Variants in PCDHGA10 observed in about 807,000 individuals in gnomAD.
PCDHGA10 encodes protocadherin gamma subfamily A, 10, also known as protocadherin gamma-A10.
PCDHGA10 carries 42 observed loss-of-function variants against 59.5 expected under a neutral mutation model. The observed-to-expected ratio is 0.71, with a 90% CI of 0.55 to 0.91. The LOEUF is 0.91. Ranked by LOEUF, PCDHGA10 falls within the 40% of genes least tolerant of loss-of-function variation. PCDHGA10 has a pLI of 0.00. For synonymous variants in PCDHGA10, 511 were observed against 517.2 expected (o/e 0.99, Z 0.16); for missense variants, 1,111 against 1,198.2 (o/e 0.93, Z 1.07).
intron 1 of PCDHGA10, among the ~76,000 whole-genome samples, chr5:141,450,685 C>T (rs542985781): frequency 6.6e-6 from 1 of 152,020 alleles, no homozygotes; most frequent in South Asian, 2.1e-4. Context: ...CGGGGTTTTG[C>T]CATGTTGCCC....
At chr5:141,495,213 C>T (rs568314100) in intron 2 of PCDHGA10, among the ~76,000 whole-genome samples, 1 of 152,326 alleles carries the variant, frequency 6.6e-6, no homozygotes, top group South Asian at 2.1e-4. Flanking sequence ...AACCCCCTCC[C>T]CTGAGTTGAG....
intron 1 of PCDHGA10, chr5:141,421,009 T>G (rs948913987): frequency 1.9e-6 from 1 of 515,496 alleles, no homozygotes. Context: ...AATCAGGGAA[T>G]GGGAAGCTGC....
chr5:141,490,517 C>T lies in PCDHGA10; in HGVS notation c.2437-4290C>T. 6.2e-7 allele frequency: 1 copy of T among 1,613,972 alleles called. No homozygotes were observed. The highest frequency in any genetic ancestry group is 2.2e-5 in the East Asian group (1 of 44,854). ...TCCCACTATATCATCGAGCTGCTGG[C>T]CAGCGATGCTGGTTCACCTTCCCTA... On this transcript the variant is annotated intron_variant, in intron 1 of 3. Coordinates refer to ENST00000398610, the MANE Select transcript of PCDHGA10 (RefSeq NM_018913.3). The surrounding 1 kb of genome is among the most constrained non-coding windows in gnomAD (Gnocchi z 5.4).
intron 1 of PCDHGA10, chr5:141,421,591 G>T: frequency 6.2e-7 from 1 of 1,613,874 alleles, no homozygotes; most frequent in Non-Finnish European, 8.5e-7. Context: ...CGGAGTGGAG[G>T]TGGAAATAAT....
intron 1 of PCDHGA10, among the ~76,000 whole-genome samples, chr5:141,438,625 TATATATATATACACACAC>T (rs1351180774): frequency 3.0e-4 from 14 of 46,412 alleles, no homozygotes; most frequent in Middle Eastern, 8.3e-3. Context: ...TATATATATA[TATATATATATACACACAC>T]ACACACACAT....
At chr5:141,507,785 C>T (rs1203302886) in intron 3 of PCDHGA10, among the ~76,000 whole-genome samples, 1 of 152,222 alleles carries the variant, frequency 6.6e-6, no homozygotes, top group African/African-American at 2.4e-5. Context: ...GCCTGACCCT[C>T]GTCTAAGCCT....
At position 141,427,625 on chromosome 5, in the gene PCDHGA10, T is replaced by G. The variant is rs150347956; in HGVS notation, c.2436+12014T>G. On this transcript the variant is annotated intron_variant, in intron 1 of 3. Coordinates refer to ENST00000398610, the MANE Select transcript of PCDHGA10 (RefSeq NM_018913.3). Reference sequence around the variant, plus strand: ...GCATTGGTGAAGTCAACGACAATGCTCCGGTTTTCCACCAAGTCTCCTACG... The same window carrying G: ...GCATTGGTGAAGTCAACGACAATGCGCCGGTTTTCCACCAAGTCTCCTACG... The G allele has an allele frequency of 2.7e-3, 1,907 of 699,068 alleles. 5 individuals are homozygous for G. The highest frequency in any genetic ancestry group is 4.1e-3 in the Non-Finnish European group (1,558 of 384,098). The allele number at this position is 699,068 out of a possible 1,614,324, so 43.3% of individuals were successfully genotyped here.
chr5:141,488,690 G>A (rs1292736219), intron 1 of PCDHGA10, among the ~76,000 whole-genome samples: 1 of 152,186 alleles, frequency 6.6e-6, no homozygotes, highest in African/African-American at 2.4e-5. Flanking sequence ...TCTCCCAGAA[G>A]GACAAGATTT....
intron 1 of PCDHGA10, chr5:141,418,639 C>T (rs2096276711): frequency 6.2e-7 from 1 of 1,614,014 alleles, no homozygotes; most frequent in Non-Finnish European, 8.5e-7. Flanking sequence ...CAGGCACCTC[C>T]ATCCTGAGAG....
chr5:141,449,562 C>T (rs1374591292), intron 1 of PCDHGA10, among the ~76,000 whole-genome samples: 1 of 143,862 alleles, frequency 7.0e-6, no homozygotes, highest in East Asian at 2.0e-4. Context: ...GCACTCCAGC[C>T]TGGGCGACAG....
At chr5:141,499,029 A>AAGGAAGGAAGGAAGGAAGGAAGG (rs1562187768) in intron 2 of PCDHGA10, among the ~76,000 whole-genome samples, 1 of 139,968 alleles carries the variant, frequency 7.1e-6, no homozygotes, top group African/African-American at 2.8e-5. Flanking sequence ...AGGAAGGAAG[A>AAGGAAGGAAGGAAGGAAGGAAGG]AAAGAAAGAA....
chr5:141,485,444 G>A lies in PCDHGA10; in HGVS notation c.2437-9363G>A. 1 of 1,614,110 alleles carries A rather than the reference G, an allele frequency of 6.2e-7. No individual in the cohort carries two copies. Among genetic ancestry groups the A allele is most frequent in the Non-Finnish European group, 8.5e-7 (1 of 1,180,020 alleles). On this transcript the variant is annotated intron_variant, in intron 1 of 3. Coordinates refer to ENST00000398610, the MANE Select transcript of PCDHGA10 (RefSeq NM_018913.3). This position sits in a 1 kb window ranked among gnomAD's most constrained non-coding sequence, Gnocchi z 5.7. ...AGCCCTGCTCATCAAGAACCCAATC[G>A]ACCGAGAGGCACTGTGTGGGCTCAG...
rs762238827 is a variant in PCDHGA10 at position 141,487,202 on chromosome 5, C to T, written c.2437-7605C>T. ...CACTCATCCAGTTGTCCCAGATCTT[C>T]GAGAATCTTCAGCTCCAAGGGAAGG... On this transcript the variant is annotated intron_variant, in intron 1 of 3. Coordinates refer to ENST00000398610, the MANE Select transcript of PCDHGA10 (RefSeq NM_018913.3). This position sits in a 1 kb window ranked among gnomAD's most constrained non-coding sequence, Gnocchi z 5.0. 7 of 1,613,660 alleles carry T rather than the reference C, an allele frequency of 4.3e-6. No homozygotes were observed. The highest frequency in any genetic ancestry group is 1.7e-5 in the Admixed American group (1 of 59,992).
chr5:141,503,960 T>TTC (rs2099834474), intron 2 of PCDHGA10, among the ~76,000 whole-genome samples: 1 of 152,172 alleles, frequency 6.6e-6, no homozygotes, highest in Admixed American at 6.5e-5. Flanking sequence ...CCTACAGCCT[T>TTC]TCCCATGGTG....
chr5:141,420,308 T>C (rs1486910909), intron 1 of PCDHGA10: 3 of 1,457,838 alleles, frequency 2.1e-6, no homozygotes, highest in Non-Finnish European at 9.2e-7. Context: ...ATCCTTTTTA[T>C]ATTACAATAT....
chr5:141,413,129 A>G lies in PCDHGA10; in HGVS notation c.-47A>G. The G allele has an allele frequency of 1.3e-6, 2 of 1,536,352 alleles. No homozygotes were observed. Among genetic ancestry groups the G allele is most frequent in the East Asian group, 2.3e-5 (1 of 44,212 alleles). On this transcript the variant is annotated 5_prime_UTR_variant, in exon 1 of 4. Transcript: ENST00000398610. ...AAGACAAAGGAACCGGTTGAAACAC[A>G]CAACGTGTCCAGTGAGGACTTTGCA... is the stretch of plus-strand genomic sequence containing the variant.
Position 141,511,201 on chromosome 5 carries a change from G to A in PCDHGA10, c.*28G>A, listed in dbSNP as rs2099883661. On this transcript the variant is annotated 3_prime_UTR_variant, in exon 4 of 4. Transcript: ENST00000398610. ...TGGAGGCCAGGCCAAGAGCCACAGG[G>A]CGGCCTCTCCCCAACCAGCCCAGCT... 2 of 1,612,600 alleles carry A rather than the reference G, an allele frequency of 1.2e-6. No homozygotes were observed. The highest frequency in any genetic ancestry group is 1.7e-6 in the Non-Finnish European group (2 of 1,179,344).
chr5:141,509,068 G>T (rs1267011061), intron 3 of PCDHGA10, among the ~76,000 whole-genome samples: 1 of 152,144 alleles, frequency 6.6e-6, no homozygotes, highest in Non-Finnish European at 1.5e-5. Context: ...TCTCAGCTCC[G>T]GGGATTTGCG....
intron 1 of PCDHGA10, among the ~76,000 whole-genome samples, chr5:141,430,226 T>C (rs1331325242): frequency 6.9e-6 from 1 of 144,216 alleles, no homozygotes; most frequent in Admixed American, 7.0e-5. Context: ...ATATGATTTG[T>C]CAAAAAGAGA....
Sources: gnomAD v4.1 joint callset for allele counts (sites outside exome capture counted in the v4.1 genomes callset) on GRCh38, gnomAD v4.1.1 for gene constraint, Gnocchi (gnomAD v3.1) non-coding constraint, MANE v1.5 for transcripts, NCBI Gene and HGNC (gene_info 2026-07-23, HGNC 2026-07-21) for gene names.